Variants in AFAP1L2 observed in about 807,000 individuals in gnomAD.
AFAP1L2 encodes the protein actin filament-associated protein 1-like 2.
AFAP1L2 carries 46 observed loss-of-function variants against 99.3 expected under a neutral mutation model. That is an observed-to-expected ratio of 0.46 (90% CI 0.37 to 0.59). The LOEUF (loss-of-function observed/expected upper bound fraction) is 0.59, where lower values mean the gene tolerates loss of function less well. AFAP1L2 is among the 20% of genes least tolerant of loss of function. The pLI, the probability that AFAP1L2 is intolerant of heterozygous loss-of-function variation, is 0.00. For synonymous variants in AFAP1L2, 397 were observed against 419.1 expected, an observed-to-expected ratio of 0.95 and a Z score of 0.64; for missense variants, 959 against 1,034.9, an observed-to-expected ratio of 0.93 and a Z score of 1.01.
intron 1 of AFAP1L2, among the ~76,000 whole-genome samples, chr10:114,403,822 G>A (rs1046345820): frequency 3.9e-5 from 6 of 152,180 alleles, no homozygotes; most frequent in African/African-American, 1.4e-4. Flanking sequence ...TCCACCTGCC[G>A]GGCACTCCAT....
At chr10:114,343,983 T>A (rs2049151607) in intron 1 of AFAP1L2, among the ~76,000 whole-genome samples, 1 of 151,820 alleles carries the variant, frequency 6.6e-6, no homozygotes, top group African/African-American at 2.4e-5. Flanking sequence ...AACAAGGAAA[T>A]GAAAGGAGCG....
chr10:114,321,251 A>G lies in AFAP1L2; in HGVS notation c.406+1920T>C, dbSNP rs184336787. Among the ~76,000 whole-genome samples the G allele has an allele frequency of 2.7e-5, 4 of 150,802 alleles. No individual in the cohort carries two copies. The East Asian group carries it at 7.8e-4, about 29-fold the overall frequency. The stretch of plus-strand genomic sequence containing the variant: ...CCGAATATGTAGTCTTTTATCCCTC[A>G]CCCCCACTCCCAATCTTCCCCCGCT... On this transcript the variant is annotated intron_variant, in intron 5 of 18. Transcript: ENST00000304129.
intron 1 of AFAP1L2, among the ~76,000 whole-genome samples, chr10:114,342,766 T>C (rs1418844815): frequency 6.6e-6 from 1 of 152,222 alleles, no homozygotes; most frequent in African/African-American, 2.4e-5. Flanking sequence ...GAACTGTAGA[T>C]TAACGAGTTC....
At chr10:114,344,185 T>C (rs1207645719) in intron 1 of AFAP1L2, among the ~76,000 whole-genome samples, 1 of 152,174 alleles carries the variant, frequency 6.6e-6, no homozygotes, top group East Asian at 1.9e-4. Context: ...TTCTCCCAAC[T>C]AAAAGGCCTT....
the AFAP1L2 span, chr10:114,289,388 G>T: frequency 6.2e-7 from 1 of 1,614,212 alleles, no homozygotes; most frequent in Non-Finnish European, 8.5e-7. Context: ...CTAAGTGAGG[G>T]TCTGCGGAGG....
chr10:114,301,572 C>A, intron 12 of AFAP1L2, 107 bp from the exon 13 acceptor site: 1 of 794,504 alleles, frequency 1.3e-6, no homozygotes, highest in South Asian at 1.5e-5. Flanking sequence ...AAGTGGTGGC[C>A]ACACAAGAGA....
At chr10:114,371,529 T>TA (rs1476776625) in intron 1 of AFAP1L2, among the ~76,000 whole-genome samples, 35 of 152,182 alleles carry the variant, frequency 2.3e-4, no homozygotes, top group African/African-American at 7.7e-4. Flanking sequence ...TTTTCTTTTT[T>TA]TAAAAAAAAC....
At chr10:114,329,521 C>A (rs938474776) in intron 4 of AFAP1L2, among the ~76,000 whole-genome samples, 2 of 152,198 alleles carry the variant, frequency 1.3e-5, no homozygotes, top group Non-Finnish European at 2.9e-5. Context: ...GCCCAAGATA[C>A]CTTGGTCAGA....
intron 6 of AFAP1L2, among the ~76,000 whole-genome samples, chr10:114,314,491 G>C (rs765173898): frequency 2.0e-5 from 3 of 152,200 alleles, no homozygotes; most frequent in Non-Finnish European, 4.4e-5. Context: ...TATCTGCCTA[G>C]TTAGGAAGAT....
chr10:114,306,379 A>AGGAGGGGACGCGGGGGCAGGGGGGGC (rs1265859385), intron 10 of AFAP1L2, among the ~76,000 whole-genome samples: 1 of 148,444 alleles, frequency 6.7e-6, no homozygotes, highest in Non-Finnish European at 1.5e-5. Context: ...GCAGGAGGGC[A>AGGAGGGGACGCGGGGGCAGGGGGGGC]TGGGTGTCTA....
the AFAP1L2 span, chr10:114,289,733 T>A: frequency 8.9e-6 from 5 of 562,932 alleles, no homozygotes; most frequent in Non-Finnish European, 1.3e-5. Flanking sequence ...ACTTGAGAAT[T>A]TATGCATTCC....
chr10:114,375,855 G>A (rs1311006056), intron 1 of AFAP1L2, among the ~76,000 whole-genome samples: 1 of 152,116 alleles, frequency 6.6e-6, no homozygotes, highest in Non-Finnish European at 1.5e-5. Context: ...AGCTACACAG[G>A]AGGCTGAGGC....
intron 2 of AFAP1L2, among the ~76,000 whole-genome samples, chr10:114,338,195 T>C (rs2048272646): frequency 1.3e-5 from 2 of 152,202 alleles, no homozygotes; most frequent in South Asian, 2.1e-4. Flanking sequence ...CCTTGAAATG[T>C]AGCCTGGCAG....
Position 114,377,672 on chromosome 10 carries a change from G to A in AFAP1L2, c.16+26768C>T. 6.6e-6 allele frequency among the ~76,000 whole-genome samples: 1 copy of A among 152,194 alleles called. No homozygotes were observed. The highest frequency in any genetic ancestry group is 1.9e-4 in the East Asian group (1 of 5,204). On this transcript the variant is annotated intron_variant, in intron 1 of 18. Coordinates refer to ENST00000304129, the MANE Select transcript of AFAP1L2 (RefSeq NM_001001936.3). The surrounding 1 kb of genome is among the most constrained non-coding windows in gnomAD (Gnocchi z 4.0). ...TTATTTAATAATTATTTATTGAGCT[G>A]TCATACTTCAAGATACAAAAATGAG...
Position 114,295,235 on chromosome 10 carries a change from G to A in AFAP1L2, c.*807C>T, listed in dbSNP as rs988776716. The A allele has an allele frequency of 2.0e-6, 2 of 985,680 alleles. No homozygotes were observed. Among genetic ancestry groups the A allele is most frequent in the Non-Finnish European group, 2.4e-6 (2 of 829,826 alleles). The allele number at this position is 985,680 out of a possible 1,614,324, so 61.1% of individuals were successfully genotyped here. On this transcript the variant is annotated 3_prime_UTR_variant, in exon 19 of 19. Transcript: ENST00000304129. Reference sequence around the variant, plus strand: ...CCACAGCAATGAATCTGTAAACACAGAGTAATATTTTTCCTACAGTAAAGA... The same window carrying A: ...CCACAGCAATGAATCTGTAAACACAAAGTAATATTTTTCCTACAGTAAAGA...
intron 1 of AFAP1L2, among the ~76,000 whole-genome samples, chr10:114,349,357 T>C (rs1023292808): frequency 2.4e-5 from 3 of 123,198 alleles, no homozygotes; most frequent in African/African-American, 9.5e-5. Flanking sequence ...CACTCCAGCA[T>C]GGGCAACAAG....
At chr10:114,351,973 G>A (rs2050574580) in intron 1 of AFAP1L2, among the ~76,000 whole-genome samples, 1 of 152,182 alleles carries the variant, frequency 6.6e-6, no homozygotes, top group African/African-American at 2.4e-5. Flanking sequence ...GTTTCCTGGT[G>A]TGTAAAATAG....
At chr10:114,318,698 C>T (rs535240899) in intron 5 of AFAP1L2, among the ~76,000 whole-genome samples, 31 of 137,552 alleles carry the variant, frequency 2.3e-4, no homozygotes, top group East Asian at 2.2e-4. Context: ...GCTGAGATCG[C>T]GCCACTGCAC....
chr10:114,308,597 A>G, intron 8 of AFAP1L2, 80 bp from the exon 9 acceptor site: 2 of 1,301,846 alleles, frequency 1.5e-6, no homozygotes, highest in Non-Finnish European at 2.2e-6. Flanking sequence ...GGAAAATAAT[A>G]GATGGCTCTT....
Sources: allele counts gnomAD v4.1 joint callset (sites outside exome capture counted in the v4.1 genomes callset), GRCh38; gene constraint gnomAD v4.1.1; non-coding constraint Gnocchi (gnomAD v3.1); transcripts MANE v1.5; gene names NCBI Gene and HGNC (gene_info 2026-07-23, HGNC 2026-07-21).